The following PFKFB3 variants were observed in gnomAD, a reference collection of about 807,000 sequenced individuals.
The protein encoded by PFKFB3 is 6-phosphofructo-2-kinase/fructose-2,6-biphosphatase 3.
PFKFB3 carries 33 observed loss-of-function variants against 68.0 expected under a neutral mutation model. The ratio of observed to expected loss-of-function variants is 0.49; its 90% CI spans 0.37 to 0.65. The LOEUF is 0.65. Among genes scored for constraint, PFKFB3 ranks in the 30% least tolerant of loss-of-function variants. The probability of loss-of-function intolerance (pLI) is 0.00; values close to 1 mark genes in which losing one functional copy is unlikely to be tolerated. For synonymous variants in PFKFB3, 315 were observed against 288.2 expected (o/e 1.09, Z -0.94); for missense variants, 586 against 712.2 (o/e 0.82, Z 2.02).
chr10:6,162,786 G>T (rs1344592977), intron 1 of PFKFB3, among the ~76,000 whole-genome samples: 1 of 152,142 alleles, frequency 6.6e-6, no homozygotes, highest in African/African-American at 2.4e-5. Context: ...TCCTGTTCCA[G>T]GCTCCTTGTG....
At chr10:6,255,155 C>T (rs377697702), downstream of PFKFB3, among the ~76,000 whole-genome samples, 9 of 144,712 alleles carry the variant, frequency 6.2e-5, no homozygotes, top group South Asian at 4.4e-4. Flanking sequence ...TTTTTTGAGA[C>T]GGAGTCTTAC....
chr10:6,147,205 G>T (rs575809094), intron 1 of PFKFB3, among the ~76,000 whole-genome samples: 1 of 152,216 alleles, frequency 6.6e-6, no homozygotes, highest in Admixed American at 6.5e-5. Flanking sequence ...CTGCACTGAC[G>T]GAGGTGCAGG....
At chr10:6,235,674 G>A (rs1220761859), downstream of PFKFB3, 1 of 152,138 alleles carries the variant, frequency 6.6e-6, no homozygotes, top group Non-Finnish European at 1.5e-5. Context: ...AGTGTCTAGT[G>A]CCTGCATTTG....
At chr10:6,316,778 A>G in the PFKFB3 span, among the ~76,000 whole-genome samples, 2 of 152,142 alleles carry the variant, frequency 1.3e-5, no homozygotes, top group Admixed American at 6.5e-5. Flanking sequence ...TTTTCTTACT[A>G]TAGAGTGGGA....
rs1841688128 is a variant in PFKFB3, at chr10:6,154,069, G to A, written c.16+9056G>A. 6.6e-6 allele frequency among the ~76,000 whole-genome samples: 1 copy of A among 152,100 alleles called. No individual in the cohort carries two copies. Among genetic ancestry groups the A allele is most frequent in the Admixed American group, 6.6e-5 (1 of 15,262 alleles). On this transcript the variant is annotated intron_variant, in intron 1 of 14. Coordinates refer to the PFKFB3 transcript ENST00000379789. The surrounding 1 kb of genome is among the most constrained non-coding windows in gnomAD (Gnocchi z 4.6). ...GTGGCCAGAGCGGCTGAGTGCAGGA[G>A]GAACCTGCGGGCCAGCACCGCTTCT...
chr10:6,183,981 C>G (rs991818257), intron 1 of PFKFB3, among the ~76,000 whole-genome samples: 1 of 152,066 alleles, frequency 6.6e-6, no homozygotes, highest in East Asian at 1.9e-4. Context: ...TGAGCCACCG[C>G]GCCTGGCCTC....
intron 11 of PFKFB3, among the ~76,000 whole-genome samples, 166 bp from the exon 12 acceptor site, chr10:6,223,792 T>G (rs1845131873): frequency 6.6e-6 from 1 of 152,174 alleles, no homozygotes; most frequent in South Asian, 2.1e-4. Flanking sequence ...TAATTTTGTA[T>G]TTTTAGTAGA....
At chr10:6,237,114 C>T (rs1205161798), downstream of PFKFB3, among the ~76,000 whole-genome samples, 1 of 152,240 alleles carries the variant, frequency 6.6e-6, no homozygotes, top group African/African-American at 2.4e-5. Context: ...TGGGAGGTCT[C>T]CCCAGCTATC....
At chr10:6,146,256 G>A (rs1170365184) in intron 1 of PFKFB3, 2 of 1,460,794 alleles carry the variant, frequency 1.4e-6, no homozygotes, top group Non-Finnish European at 1.8e-6. Flanking sequence ...CCAGCGTGAT[G>A]CTACGGTTGC....
At chr10:6,243,473 C>T (rs2132075612) in intron 14 of PFKFB3, among the ~76,000 whole-genome samples, 1 of 152,334 alleles carries the variant, frequency 6.6e-6, no homozygotes, top group South Asian at 2.1e-4. Flanking sequence ...TTTCTTCCCC[C>T]TGGGAAGGGA....
intron 14 of PFKFB3, among the ~76,000 whole-genome samples, chr10:6,253,250 C>T (rs1246949892): frequency 6.6e-6 from 1 of 152,278 alleles, no homozygotes; most frequent in South Asian, 2.1e-4. Flanking sequence ...AGAACATTTA[C>T]ATCGATTGCC....
the PFKFB3 span, among the ~76,000 whole-genome samples, chr10:6,310,106 A>G: frequency 1.2e-4 from 18 of 152,140 alleles, no homozygotes; most frequent in Admixed American, 1.2e-3. Context: ...CTCAAGAGCG[A>G]GACTCCATCA....
At chr10:6,269,771 T>G in the PFKFB3 span, among the ~76,000 whole-genome samples, 1 of 152,204 alleles carries the variant, frequency 6.6e-6, no homozygotes, top group African/African-American at 2.4e-5. Flanking sequence ...GAAGTCAGCA[T>G]GTCAGAATGC....
In PFKFB3 at chr10:6,192,370, T is replaced by C. The variant is rs77506338; in HGVS notation, c.17-21253T>C. Among the ~76,000 whole-genome samples, 141 of 146,812 alleles carry C rather than the reference T, an allele frequency of 9.6e-4. 1 individual carries two copies. The highest frequency in any genetic ancestry group is 8.6e-3 in the Admixed American group (127 of 14,720). ...CCCGTTTTTTTTTTCTTTCTTCTTT[T>C]TTTTTTTTTTTTTTGGCTTGATTTG... is the stretch of plus-strand genomic sequence containing the variant. On this transcript the variant is annotated intron_variant, in intron 1 of 14. Transcript: ENST00000379789.
chr10:6,151,206 C>T (rs10905905), intron 1 of PFKFB3, among the ~76,000 whole-genome samples: 38,707 of 151,968 alleles, frequency 0.25, 5,107 homozygotes, highest in Middle Eastern at 0.31. Flanking sequence ...ATCTTGTGTG[C>T]GGGTCTGAGC....
At chr10:6,309,615 C>T in the PFKFB3 span, among the ~76,000 whole-genome samples, 2 of 152,140 alleles carry the variant, frequency 1.3e-5, no homozygotes, top group African/African-American at 4.8e-5. Flanking sequence ...GAGCAAGACT[C>T]CATCCCCGCC....
At chr10:6,290,220 G>A in the PFKFB3 span, among the ~76,000 whole-genome samples, 9 of 151,778 alleles carry the variant, frequency 5.9e-5, no homozygotes, top group African/African-American at 1.9e-4. Flanking sequence ...TGATTGCCCT[G>A]GCCAGAACTT....
At chr10:6,147,972 C>T (rs1362639952) in intron 1 of PFKFB3, among the ~76,000 whole-genome samples, 1 of 152,216 alleles carries the variant, frequency 6.6e-6, no homozygotes, top group South Asian at 2.1e-4. Flanking sequence ...CTGTCCCTCA[C>T]TTATGGGAGG....
the PFKFB3 span, among the ~76,000 whole-genome samples, chr10:6,301,925 C>T: frequency 3.9e-5 from 6 of 152,186 alleles, no homozygotes; most frequent in Non-Finnish European, 7.3e-5. Context: ...CTCGTAAGTT[C>T]CCCACCACAC....
Sources: allele counts gnomAD v4.1 joint callset (sites outside exome capture counted in the v4.1 genomes callset), GRCh38; gene constraint gnomAD v4.1.1; non-coding constraint Gnocchi (gnomAD v3.1); transcripts MANE v1.5; gene names NCBI Gene and HGNC (gene_info 2026-07-23, HGNC 2026-07-21).